LRRC4C: variants seen among roughly 807,000 people sequenced by gnomAD.
LRRC4C encodes the protein leucine rich repeat containing 4C, also known as leucine-rich repeat-containing protein 4C.
Under a neutral mutation model 33.6 loss-of-function variants are expected in LRRC4C, and 5 were observed. The observed-to-expected ratio is 0.15, with a 90% CI of 0.08 to 0.31. LRRC4C has a LOEUF of 0.31. LRRC4C is among the 10% of genes least tolerant of loss of function. LRRC4C has a pLI of 1.00. For missense variants in LRRC4C, 560 were observed against 796.7 expected, an observed-to-expected ratio of 0.70 and a Z score of 3.58; for synonymous variants, 329 against 302.0, an observed-to-expected ratio of 1.09 and a Z score of -0.93.
At chr11:41,056,135 T>G (rs780982045) in intron 1 of LRRC4C, among the ~76,000 whole-genome samples, 20 of 152,070 alleles carry the variant, frequency 1.3e-4, no homozygotes, top group Non-Finnish European at 2.5e-4. Flanking sequence ...TGAAAAAAAC[T>G]AATATCACTT....
intron 2 of LRRC4C, among the ~76,000 whole-genome samples, chr11:40,778,766 G>A (rs1423018168): frequency 1.3e-5 from 2 of 152,152 alleles, no homozygotes; most frequent in African/African-American, 2.4e-5. Context: ...ATACCTCAAA[G>A]GTAGAGCAAG....
intron 2 of LRRC4C, among the ~76,000 whole-genome samples, chr11:40,769,250 T>C (rs189604706): frequency 2.6e-5 from 4 of 151,898 alleles, no homozygotes; most frequent in Admixed American, 6.6e-5. Context: ...TAAAATCAAA[T>C]GCTTAAAAAT....
chr11:40,627,389 C>T (rs76319785), intron 3 of LRRC4C, among the ~76,000 whole-genome samples: 3,164 of 152,154 alleles, frequency 0.021, 107 homozygotes, highest in African/African-American at 0.072. Context: ...TGGGAATCTA[C>T]AGTTGAACGT....
intron 1 of LRRC4C, among the ~76,000 whole-genome samples, chr11:41,142,173 T>C (rs1943535395): frequency 1.3e-5 from 2 of 152,136 alleles, no homozygotes; most frequent in African/African-American, 4.8e-5. Flanking sequence ...TGTCAGTTAA[T>C]TAATAGGTTT....
intron 1 of LRRC4C, among the ~76,000 whole-genome samples, chr11:41,345,462 G>T (rs575209820): frequency 3.3e-5 from 5 of 152,284 alleles, no homozygotes; most frequent in African/African-American, 1.2e-4. Flanking sequence ...TACCATTATG[G>T]TGATCATAGT....
intron 3 of LRRC4C, among the ~76,000 whole-genome samples, chr11:40,360,148 T>A (rs1947881514): frequency 6.6e-6 from 1 of 152,206 alleles, no homozygotes; most frequent in Non-Finnish European, 1.5e-5. Context: ...TATGAGAGAC[T>A]CTTTGAAAGA....
At chr11:40,384,732 C>T (rs114597803) in intron 3 of LRRC4C, among the ~76,000 whole-genome samples, 3,162 of 152,226 alleles carry the variant, frequency 0.021, 94 homozygotes, top group African/African-American at 0.072. Flanking sequence ...GTATTCTCCA[C>T]CTTTCTTTTC....
intron 1 of LRRC4C, among the ~76,000 whole-genome samples, chr11:41,223,896 G>A (rs1331188150): frequency 6.6e-6 from 1 of 152,132 alleles, no homozygotes; most frequent in Non-Finnish European, 1.5e-5. Context: ...ATCATGCCAG[G>A]GGAAGAGCTG....
chr11:40,406,173 C>T (rs180849692), intron 3 of LRRC4C, among the ~76,000 whole-genome samples: 2 of 152,038 alleles, frequency 1.3e-5, no homozygotes, highest in Non-Finnish European at 2.9e-5. Flanking sequence ...ATCCACCAGA[C>T]CTTTAAAGTG....
intron 2 of LRRC4C, among the ~76,000 whole-genome samples, chr11:40,730,145 T>C (rs1289952271): frequency 6.6e-6 from 1 of 152,088 alleles, no homozygotes; most frequent in East Asian, 1.9e-4. Context: ...GAGATATAAC[T>C]AATGCTAGAT....
chr11:41,247,233 CCT>C (rs1042394207), intron 1 of LRRC4C, among the ~76,000 whole-genome samples: 2 of 152,128 alleles, frequency 1.3e-5, no homozygotes, highest in African/African-American at 4.8e-5. Context: ...ACTAGAAACC[CCT>C]CTGTTGCTTT....
chr11:41,416,199 A>G (rs745838483), intron 1 of LRRC4C, among the ~76,000 whole-genome samples: 2 of 152,048 alleles, frequency 1.3e-5, no homozygotes, highest in Non-Finnish European at 2.9e-5. Flanking sequence ...AGAGGAAAAA[A>G]TGGAACAACC....
intron 3 of LRRC4C, among the ~76,000 whole-genome samples, chr11:40,516,674 G>T (rs563446184): frequency 3.3e-5 from 5 of 152,086 alleles, no homozygotes; most frequent in Non-Finnish European, 7.4e-5. Flanking sequence ...TGAAACAGAG[G>T]TATTCAGATA....
chr11:40,463,305 GGTGTGTGTGT>G lies in LRRC4C; in HGVS notation c.-269-143594_-269-143585del, dbSNP rs33911904. Among the ~76,000 whole-genome samples, 819 of 144,592 alleles carry G rather than the reference GGTGTGTGTGT, an allele frequency of 5.7e-3. 12 individuals carry two copies. The highest frequency in any genetic ancestry group is 0.02 in the African/African-American group (778 of 39,268). 94.9% of individuals were successfully genotyped at this position (144,592 alleles called of 152,430 possible). ...GATATAGGTGTGCGTATGTGTTACT[GGTGTGTGTGT>G]GTGTGTGTGTGTGTGTGTGTGTGTG... On this transcript the variant is annotated intron_variant, in intron 3 of 6. Coordinates refer to ENST00000528697, the MANE Select transcript of LRRC4C (RefSeq NM_001258419.2).
chr11:40,899,104 A>T (rs1242413108), intron 2 of LRRC4C, among the ~76,000 whole-genome samples: 5 of 151,798 alleles, frequency 3.3e-5, no homozygotes, highest in Non-Finnish European at 5.9e-5. Context: ...TTTTGAAAAA[A>T]AAAAAGCATT....
intron 1 of LRRC4C, among the ~76,000 whole-genome samples, chr11:41,222,267 G>A (rs1947340570): frequency 6.6e-6 from 1 of 152,104 alleles, no homozygotes; most frequent in Non-Finnish European, 1.5e-5. Context: ...TTGAATAAAG[G>A]TTCTATCACT....
chr11:40,765,968 A>G (rs72898741), intron 2 of LRRC4C, among the ~76,000 whole-genome samples: 1 of 152,078 alleles, frequency 6.6e-6, no homozygotes, highest in Non-Finnish European at 1.5e-5. Flanking sequence ...CAATATTCAC[A>G]TACAAGAATA....
chr11:41,051,990 A>T (rs1325227132), intron 1 of LRRC4C, among the ~76,000 whole-genome samples: 5 of 152,192 alleles, frequency 3.3e-5, no homozygotes, highest in Admixed American at 2.6e-4. Flanking sequence ...GCAAATTGTG[A>T]TACCTAAACC....
At chr11:40,504,392 C>T (rs148918443) in intron 3 of LRRC4C, among the ~76,000 whole-genome samples, 255 of 152,116 alleles carry the variant, frequency 1.7e-3, no homozygotes, top group Non-Finnish European at 2.0e-3. Flanking sequence ...GATGGACAGA[C>T]GGTCATAATT....
Sources: gnomAD v4.1 joint callset for allele counts (sites outside exome capture counted in the v4.1 genomes callset) on GRCh38, gnomAD v4.1.1 for gene constraint, MANE v1.5 for transcripts, NCBI Gene and HGNC (gene_info 2026-07-23, HGNC 2026-07-21) for gene names.